Variants in PRTG observed in about 807,000 individuals in gnomAD.
The protein encoded by PRTG is immunoglobulin superfamily, DCC subclass, member 5.
In PRTG, 67 loss-of-function variants were observed where a neutral mutation model predicts 122.5. That is an observed-to-expected ratio of 0.55 (90% CI 0.45 to 0.67). The LOEUF is 0.67. Ranked by LOEUF, PRTG falls within the 30% of genes least tolerant of loss-of-function variation. The pLI, the probability that PRTG is intolerant of heterozygous loss-of-function variation, is 0.00. For missense variants in PRTG, 1,435 were observed against 1,415.4 expected (o/e 1.01, Z -0.22); for synonymous variants, 554 against 501.1 (o/e 1.11, Z -1.41).
chr15:55,638,880 C>CT (rs1595610818), intron 13 of PRTG, among the ~76,000 whole-genome samples: 1 of 152,216 alleles, frequency 6.6e-6, no homozygotes, highest in East Asian at 1.9e-4. Flanking sequence ...AATAAGCCTA[C>CT]TAGTTGCCTC....
In PRTG at chr15:55,616,285, G is replaced by C. The variant is rs749907183; in HGVS notation, c.*3727C>G. ...TAAATTCCAATCTCACACCTTTAAA[G>C]AGCACATCTATCAAAGCATAGCCCA... On this transcript the variant is annotated 3_prime_UTR_variant, in exon 20 of 20. Coordinates refer to ENST00000389286, the MANE Select transcript of PRTG (RefSeq NM_173814.6). 7 of 152,002 alleles carry C rather than the reference G, an allele frequency of 4.6e-5. No homozygotes were observed. The highest frequency in any genetic ancestry group is 1.0e-4 in the Non-Finnish European group (7 of 67,976). 9.4% of individuals were successfully genotyped at this position (152,002 alleles called of 1,614,324 possible). A position where few individuals can be genotyped will look rare whatever the true frequency, so the allele number is the denominator to read the frequency against.
intron 12 of PRTG, 50 bp from the exon 13 acceptor site, chr15:55,639,878 T>A (rs377073175): frequency 1.3e-6 from 2 of 1,591,200 alleles, no homozygotes; most frequent in Non-Finnish European, 1.7e-6. Flanking sequence ...CATTTTAACA[T>A]AGAAAGTGGT....
chr15:55,689,911 G>A (rs2059591270), intron 2 of PRTG, among the ~76,000 whole-genome samples: 2 of 149,560 alleles, frequency 1.3e-5, no homozygotes, highest in South Asian at 4.2e-4. Context: ...GTGGGTGACA[G>A]AGCAAGACTC....
At chr15:55,689,472 C>CA (rs537374658) in intron 2 of PRTG, among the ~76,000 whole-genome samples, 4 of 149,692 alleles carry the variant, frequency 2.7e-5, no homozygotes, top group Non-Finnish European at 5.9e-5. Context: ...TGAGCGTTTG[C>CA]AAAAAAAAGA....
chr15:55,621,144 G>A (rs1037797467), intron 18 of PRTG, among the ~76,000 whole-genome samples: 16 of 152,170 alleles, frequency 1.1e-4, no homozygotes, highest in African/African-American at 3.9e-4. Context: ...ATGAGGTCAG[G>A]AATTCAAGGC....
intron 2 of PRTG, among the ~76,000 whole-genome samples, chr15:55,688,551 T>G (rs998016185): frequency 3.3e-5 from 5 of 152,178 alleles, no homozygotes; most frequent in African/African-American, 1.2e-4. Flanking sequence ...TGAAAGGCAC[T>G]CCAGGCCGCC....
At position 55,616,196 on chromosome 15, in the gene PRTG, G is replaced by C. The variant is rs1457499274; in HGVS notation, c.*3816C>G. Reference sequence around the variant, plus strand: ...TAAAAATTTTTTCCCTTTACCCAAGGTTCCATTAAAGTTTGAAAACTGAGC... The same window carrying C: ...TAAAAATTTTTTCCCTTTACCCAAGCTTCCATTAAAGTTTGAAAACTGAGC... On this transcript the variant is annotated 3_prime_UTR_variant, in exon 20 of 20. Coordinates refer to ENST00000389286, the MANE Select transcript of PRTG (RefSeq NM_173814.6). 2 of 151,966 alleles carry C rather than the reference G, an allele frequency of 1.3e-5. No individual in the cohort carries two copies. Among genetic ancestry groups the C allele is most frequent in the African/African-American group, 2.4e-5 (1 of 41,382 alleles). The allele number at this position is 151,966 out of a possible 1,614,324, so 9.4% of individuals were successfully genotyped here.
At chr15:55,675,817 G>A (rs962475857) in intron 8 of PRTG, 134 bp from the exon 9 acceptor site, 7 of 481,964 alleles carry the variant, frequency 1.5e-5, no homozygotes, top group Admixed American at 6.8e-5. Context: ...TTTACAAAAT[G>A]TGAACAGGAA....
At chr15:55,735,561 A>G (rs1382342287) in intron 2 of PRTG, among the ~76,000 whole-genome samples, 2 of 152,082 alleles carry the variant, frequency 1.3e-5, no homozygotes, top group Non-Finnish European at 2.9e-5. Context: ...TCCTTTCTTT[A>G]GAATAATCAG....
At chr15:55,632,148 A>C (rs758096695) in intron 15 of PRTG, among the ~76,000 whole-genome samples, 3 of 152,304 alleles carry the variant, frequency 2.0e-5, no homozygotes, top group South Asian at 2.1e-4. Flanking sequence ...GCCTCTGCTT[A>C]ATCAGCCTCT....
intron 2 of PRTG, among the ~76,000 whole-genome samples, chr15:55,699,767 G>A (rs1434397946): frequency 6.6e-6 from 1 of 152,118 alleles, no homozygotes; most frequent in Non-Finnish European, 1.5e-5. Flanking sequence ...AGGGGCCTTG[G>A]ACAAATCTAG....
In PRTG at chr15:55,613,037, T is replaced by C. The variant is rs937609622; in HGVS notation, c.*6975A>G. On this transcript the variant is annotated 3_prime_UTR_variant, in exon 20 of 20. Coordinates refer to ENST00000389286, the MANE Select transcript of PRTG (RefSeq NM_173814.6). The stretch of plus-strand genomic sequence containing the variant: ...GTTTCAGATTATGATTATTTACACT[T>C]GAATTTTCTCTTAAGTTTTCAAAGT... 6.6e-6 allele frequency: 1 copy of C among 152,050 alleles called. No individual in the cohort carries two copies. The highest frequency in any genetic ancestry group is 2.4e-5 in the African/African-American group (1 of 41,434). The allele number at this position is 152,050 out of a possible 1,614,324, so 9.4% of individuals were successfully genotyped here. A position where few individuals can be genotyped will look rare whatever the true frequency, so the allele number is the denominator to read the frequency against.
chr15:55,651,764 C>T (rs1007548373), intron 11 of PRTG, among the ~76,000 whole-genome samples: 7 of 152,120 alleles, frequency 4.6e-5, no homozygotes, highest in African/African-American at 1.7e-4. Flanking sequence ...AGAGCCAGGT[C>T]AGAGCAAGCA....
At chr15:55,641,605 C>T (rs1055142309) in intron 11 of PRTG, among the ~76,000 whole-genome samples, 15 of 151,978 alleles carry the variant, frequency 9.9e-5, no homozygotes, top group African/African-American at 3.1e-4. Flanking sequence ...ATTTGAGGGC[C>T]GTTTACTTCA....
intron 10 of PRTG, among the ~76,000 whole-genome samples, chr15:55,672,878 T>A (rs1040882976): frequency 1.3e-5 from 2 of 152,214 alleles, no homozygotes; most frequent in Non-Finnish European, 2.9e-5. Flanking sequence ...CATTTAATTT[T>A]TTTTCAAAGA....
At chr15:55,623,563 T>A (rs75874626) in intron 18 of PRTG, among the ~76,000 whole-genome samples, 9,628 of 151,700 alleles carry the variant, frequency 0.063, 427 homozygotes, top group Non-Finnish European at 0.096. Flanking sequence ...TGAAACTCCA[T>A]CTTAAAAAAA....
At chr15:55,668,824 C>G (rs1484700070) in intron 11 of PRTG, among the ~76,000 whole-genome samples, 1 of 152,058 alleles carries the variant, frequency 6.6e-6, no homozygotes, top group African/African-American at 2.4e-5. Flanking sequence ...AAAAACTGTA[C>G]ATCTAGGGAC....
chr15:55,634,839 A>C (rs550601256), intron 15 of PRTG, among the ~76,000 whole-genome samples: 167 of 145,182 alleles, frequency 1.2e-3, no homozygotes, highest in African/African-American at 4.0e-3. Flanking sequence ...CTCCGTCTCC[A>C]AAAAAAAAAA....
At chr15:55,668,715 T>C (rs2059451528) in intron 11 of PRTG, among the ~76,000 whole-genome samples, 1 of 152,180 alleles carries the variant, frequency 6.6e-6, no homozygotes, top group African/African-American at 2.4e-5. Flanking sequence ...AACTATATTT[T>C]AAAGTCATTA....
Sources: gnomAD v4.1 joint callset for allele counts (sites outside exome capture counted in the v4.1 genomes callset) on GRCh38, gnomAD v4.1.1 for gene constraint, MANE v1.5 for transcripts, NCBI Gene and HGNC (gene_info 2026-07-23, HGNC 2026-07-21) for gene names.